CAB39L: variants seen among roughly 807,000 people sequenced by gnomAD.
CAB39L encodes calcium-binding protein 39-like.
In CAB39L, 23 loss-of-function variants were observed where a neutral mutation model predicts 39.1. The observed-to-expected ratio is 0.59, with a 90% CI of 0.42 to 0.83. CAB39L has a LOEUF of 0.83. CAB39L is among the 40% of genes least tolerant of loss of function. The pLI, the probability that CAB39L is intolerant of heterozygous loss-of-function variation, is 0.00. For synonymous variants in CAB39L, 126 were observed against 137.2 expected (o/e 0.92, Z 0.57); for missense variants, 366 against 391.9 (o/e 0.93, Z 0.56).
At chr13:49,407,209 T>C (rs1956899539) in intron 3 of CAB39L, among the ~76,000 whole-genome samples, 1 of 152,186 alleles carries the variant, frequency 6.6e-6, no homozygotes, top group Admixed American at 6.5e-5. Context: ...ATGCAATGAT[T>C]CTACAGTTAT....
rs79282039 is a variant in CAB39L at position 49,365,780 on chromosome 13, C to T, written c.277-5948G>A. Among the ~76,000 whole-genome samples the T allele has an allele frequency of 7.1e-3, 1,079 of 152,242 alleles. 17 individuals are homozygous for T. Among genetic ancestry groups the T allele is most frequent in the African/African-American group, 0.025 (1,048 of 41,534 alleles). On this transcript the variant is annotated intron_variant, in intron 5 of 10. Transcript: ENST00000409308. ...CAAATAGAGATACCATATGATTTAG[C>T]AATCCTACTCTTAGGTATATGCCCA...
At chr13:49,412,287 C>T (rs749414118) in intron 3 of CAB39L, among the ~76,000 whole-genome samples, 44 of 151,370 alleles carry the variant, frequency 2.9e-4, no homozygotes, top group Non-Finnish European at 5.2e-4. Flanking sequence ...AATGTTAATT[C>T]TCCTTGGAAA....
chr13:49,330,559 A>G (rs527801065), intron 10 of CAB39L, among the ~76,000 whole-genome samples: 1 of 152,236 alleles, frequency 6.6e-6, no homozygotes, highest in South Asian at 2.1e-4. Flanking sequence ...TAGGAATTTG[A>G]GGCTGCAGTA....
intron 10 of CAB39L, among the ~76,000 whole-genome samples, chr13:49,314,747 C>T (rs1276428910): frequency 1.3e-5 from 2 of 152,174 alleles, no homozygotes; most frequent in Non-Finnish European, 2.9e-5. Flanking sequence ...TATGATTTCA[C>T]AAAACTTGTT....
At chr13:49,379,636 A>C (rs1956209371) in intron 4 of CAB39L, among the ~76,000 whole-genome samples, 1 of 30,596 alleles carries the variant, frequency 3.3e-5, no homozygotes, top group Non-Finnish European at 6.6e-5. Flanking sequence ...TCCCTCCACT[A>C]TTGTCCCATG....
At chr13:49,385,879 A>G (rs2098133575) in intron 3 of CAB39L, among the ~76,000 whole-genome samples, 2 of 152,234 alleles carry the variant, frequency 1.3e-5, no homozygotes, top group South Asian at 4.1e-4. Flanking sequence ...TAACAATGAA[A>G]AAGTTTGAAA....
intron 10 of CAB39L, among the ~76,000 whole-genome samples, chr13:49,322,717 G>A (rs1419224909): frequency 6.6e-6 from 1 of 152,150 alleles, no homozygotes; most frequent in Non-Finnish European, 1.5e-5. Context: ...AGGGACCTCA[G>A]GAACTTAGCT....
intron 5 of CAB39L, among the ~76,000 whole-genome samples, chr13:49,370,557 T>C (rs1479919818): frequency 1.3e-5 from 2 of 152,190 alleles, no homozygotes; most frequent in African/African-American, 4.8e-5. Context: ...TTCAGCTTTG[T>C]GTTGTCCAGG....
At chr13:49,374,018 C>G (rs1288000284) in intron 5 of CAB39L, among the ~76,000 whole-genome samples, 1 of 152,228 alleles carries the variant, frequency 6.6e-6, no homozygotes, top group African/African-American at 2.4e-5. Flanking sequence ...CCTGAAAATA[C>G]TGTATGTAGT....
At chr13:49,417,981 G>A (rs1361882790) in intron 3 of CAB39L, among the ~76,000 whole-genome samples, 1 of 152,172 alleles carries the variant, frequency 6.6e-6, no homozygotes, top group Non-Finnish European at 1.5e-5. Context: ...AGCTGCTTTA[G>A]AAGCAGGTCA....
intron 3 of CAB39L, among the ~76,000 whole-genome samples, chr13:49,417,024 T>C (rs972757013): frequency 6.6e-6 from 1 of 152,230 alleles, no homozygotes; most frequent in Non-Finnish European, 1.5e-5. Flanking sequence ...GATGCCTAAA[T>C]AGATATTTGA....
At chr13:49,400,532 T>C (rs1046122104) in intron 3 of CAB39L, among the ~76,000 whole-genome samples, 1 of 151,918 alleles carries the variant, frequency 6.6e-6, no homozygotes, top group African/African-American at 2.4e-5. Context: ...AAGCTTGGTA[T>C]AAACTGTAAG....
intron 7 of CAB39L, among the ~76,000 whole-genome samples, chr13:49,350,046 G>A (rs971756402): frequency 1.3e-5 from 2 of 152,106 alleles, no homozygotes; most frequent in African/African-American, 4.8e-5. Flanking sequence ...GAGGGAGGAG[G>A]AAATGGGGAG....
At chr13:49,345,377 T>C (rs1955117838) in intron 7 of CAB39L, among the ~76,000 whole-genome samples, 1 of 152,208 alleles carries the variant, frequency 6.6e-6, no homozygotes, top group East Asian at 1.9e-4. Flanking sequence ...CTTAATTCCC[T>C]ATTGCTATCA....
chr13:49,409,450 TAAA>T (rs34396787), intron 3 of CAB39L, among the ~76,000 whole-genome samples: 5,478 of 143,526 alleles, frequency 0.038, 140 homozygotes, highest in East Asian at 0.13. Context: ...TTGTTTGCTT[TAAA>T]AAAAAAAAAA....
chr13:49,430,840 G>A (rs916592561), intron 3 of CAB39L, among the ~76,000 whole-genome samples: 3 of 152,104 alleles, frequency 2.0e-5, no homozygotes, highest in Non-Finnish European at 2.9e-5. Context: ...TGTTAATACC[G>A]CAAGTGTCAT....
chr13:49,335,782 C>A (rs564573216), intron 9 of CAB39L, among the ~76,000 whole-genome samples: 30 of 152,260 alleles, frequency 2.0e-4, no homozygotes, highest in African/African-American at 7.2e-4. Context: ...AGCTCTGTCA[C>A]ATGATGGAAA....
chr13:49,309,831 C>G lies in CAB39L; in HGVS notation c.*983G>C, dbSNP rs1953936182. On this transcript the variant is annotated 3_prime_UTR_variant, in exon 11 of 11. Transcript: ENST00000409308. ...CTCTGAAAAAAATTTATTGATGGAT[C>G]TGAGAATTTTTTCACACATGAATCA... 1 of 152,128 alleles carries G rather than the reference C, an allele frequency of 6.6e-6. No individual in the cohort carries two copies. The highest frequency in any genetic ancestry group is 1.5e-5 in the Non-Finnish European group (1 of 68,024). The allele number at this position is 152,128 out of a possible 1,614,324, so 9.4% of individuals were successfully genotyped here.
chr13:49,310,255 AG>A lies in CAB39L; in HGVS notation c.*558del, dbSNP rs1288210471. 1.3e-5 allele frequency: 2 copies of A among 150,704 alleles called. No homozygotes were observed. Among genetic ancestry groups the A allele is most frequent in the African/African-American group, 5.1e-5 (2 of 39,348 alleles). 9.3% of individuals were successfully genotyped at this position (150,704 alleles called of 1,614,324 possible). ...GGGATGGAATGCAGGACAGGGAGAG[AG>A]GGGAGACTGAGCTGAGAGGGAGCAC... On this transcript the variant is annotated 3_prime_UTR_variant, in exon 11 of 11. Coordinates refer to ENST00000409308, the MANE Select transcript of CAB39L (RefSeq NM_001079670.3).
Sources: gnomAD v4.1 joint callset for allele counts (sites outside exome capture counted in the v4.1 genomes callset) on GRCh38, gnomAD v4.1.1 for gene constraint, MANE v1.5 for transcripts, NCBI Gene and HGNC (gene_info 2026-07-23, HGNC 2026-07-21) for gene names.